Variants in IQUB observed in about 807,000 individuals in gnomAD.
IQUB encodes the protein IQ motif and ubiquitin domain containing.
A neutral mutation model predicts 86.4 loss-of-function variants in IQUB; 86 were observed. That is an observed-to-expected ratio of 1.00 (90% CI 0.84 to 1.19). The LOEUF is 1.19. Among genes scored for constraint, IQUB ranks in the 50% most tolerant of loss-of-function variants. IQUB has a pLI of 0.00. For missense variants in IQUB, 946 were observed against 916.9 expected (o/e 1.03, Z -0.41); for synonymous variants, 289 against 304.5 (o/e 0.95, Z 0.53).
At chr7:123,533,815 CT>C (rs2117417479) in intron 1 of IQUB, among the ~76,000 whole-genome samples, 1 of 152,256 alleles carries the variant, frequency 6.6e-6, no homozygotes, top group South Asian at 2.1e-4. Context: ...ACTCTTCATT[CT>C]TTTTACTATT....
chr7:123,518,109 A>G (rs1367460072), intron 1 of IQUB, among the ~76,000 whole-genome samples: 1 of 152,010 alleles, frequency 6.6e-6, no homozygotes, highest in East Asian at 1.9e-4. Context: ...ATATAACACA[A>G]CCAAGGAAGG....
intron 10 of IQUB, chr7:123,462,741 T>C: frequency 2.3e-6 from 1 of 427,522 alleles, no homozygotes; most frequent in Non-Finnish European, 4.7e-6. Flanking sequence ...TTAGCAAATA[T>C]ATCAGTCAAC....
At chr7:123,471,378 A>C (rs1794514872) in intron 8 of IQUB, among the ~76,000 whole-genome samples, 1 of 152,208 alleles carries the variant, frequency 6.6e-6, no homozygotes, top group Non-Finnish European at 1.5e-5. Flanking sequence ...AAAGTTTTTA[A>C]AGGCTAGGGC....
At chr7:123,485,722 G>A (rs1584589100) in intron 7 of IQUB, among the ~76,000 whole-genome samples, 1 of 152,066 alleles carries the variant, frequency 6.6e-6, no homozygotes, top group African/African-American at 2.4e-5. Flanking sequence ...ACAATATTTT[G>A]TCTACCATTG....
chr7:123,493,731 A>ATGTGTGTGTGTGTGTGTGTGTG (rs71161484), intron 7 of IQUB, among the ~76,000 whole-genome samples: 2 of 112,660 alleles, frequency 1.8e-5, no homozygotes, highest in African/African-American at 6.1e-5. Flanking sequence ...ATGTGTGTGT[A>ATGTGTGTGTGTGTGTGTGTGTG]TGTGTGTGTG....
intron 12 of IQUB, among the ~76,000 whole-genome samples, chr7:123,456,430 CTT>C (rs1563424119): frequency 6.6e-6 from 1 of 151,970 alleles, no homozygotes; most frequent in Non-Finnish European, 1.5e-5. Context: ...TTATTGCTAC[CTT>C]TTCTTTCAAT....
chr7:123,501,225 T>A (rs1269036144), intron 6 of IQUB: 1 of 152,216 alleles, frequency 6.6e-6, no homozygotes, highest in Non-Finnish European at 1.5e-5. Context: ...CATTTTATCT[T>A]CATACAGTAA....
At chr7:123,524,789 G>C (rs1025006516) in intron 1 of IQUB, among the ~76,000 whole-genome samples, 6 of 148,032 alleles carry the variant, frequency 4.1e-5, no homozygotes, top group South Asian at 2.2e-4. Context: ...AGTTTTCAAA[G>C]GGAATGCTTC....
chr7:123,484,951 G>A (rs1486353767), intron 7 of IQUB, among the ~76,000 whole-genome samples: 7 of 152,012 alleles, frequency 4.6e-5, no homozygotes, highest in Admixed American at 4.6e-4. Context: ...GAAGACACAG[G>A]AGCAGCTAAA....
At chr7:123,465,389 G>A (rs1391697273) in intron 9 of IQUB, among the ~76,000 whole-genome samples, 1 of 151,928 alleles carries the variant, frequency 6.6e-6, no homozygotes, top group Non-Finnish European at 1.5e-5. Flanking sequence ...TACCATGAAA[G>A]TCAGTATGAT....
intron 1 of IQUB, among the ~76,000 whole-genome samples, chr7:123,527,824 G>C (rs1797321095): frequency 6.6e-6 from 1 of 152,190 alleles, no homozygotes; most frequent in Non-Finnish European, 1.5e-5. Flanking sequence ...AGGCCTCCTT[G>C]AGCTGTGGTG....
chr7:123,502,054 C>A (rs1232091017), intron 6 of IQUB: 1 of 153,234 alleles, frequency 6.5e-6, no homozygotes, highest in African/African-American at 2.4e-5. Context: ...GCTGAATAGC[C>A]TAGCTCCAGA....
chr7:123,516,571 A>C (rs964304724), intron 1 of IQUB, among the ~76,000 whole-genome samples: 3 of 152,190 alleles, frequency 2.0e-5, no homozygotes, highest in Non-Finnish European at 2.9e-5. Flanking sequence ...AGAAAAAGAA[A>C]GAAGGTGAAA....
chr7:123,499,091 C>T (rs1330688244), intron 6 of IQUB, among the ~76,000 whole-genome samples: 1 of 151,722 alleles, frequency 6.6e-6, no homozygotes, highest in African/African-American at 2.4e-5. Context: ...AGATAAATCC[C>T]AGCATTCCAA....
intron 12 of IQUB, among the ~76,000 whole-genome samples, chr7:123,453,263 A>AATATATATAT (rs72054596): frequency 0.025 from 3,386 of 138,040 alleles, 51 homozygotes; most frequent in Admixed American, 0.052. Flanking sequence ...ATCTAGTTAG[A>AATATATATAT]ATATATATAT....
rs770554471 is a variant in IQUB, at chr7:123,464,883, G to GA, written c.1707dup (p.His570SerfsTer9). 3.7e-6 allele frequency: 6 copies of GA among 1,605,080 alleles called. No homozygotes were observed. In the African/African-American group the frequency reaches 6.7e-5, roughly 18 times the overall value. ...TTAAACAGAGGTGTTTTGATATAATGAAAAAAGAGTGTCGCAATTCTTTTT... is the reference window on the plus strand; with the variant it reads ...TTAAACAGAGGTGTTTTGATATAATGAAAAAAAGAGTGTCGCAATTCTTTTT... On this transcript the variant is annotated frameshift_variant, in exon 10 of 13. Transcript: ENST00000324698. LOFTEE classifies it high-confidence loss of function.
intron 1 of IQUB, among the ~76,000 whole-genome samples, chr7:123,524,928 CA>C (rs1394876154): frequency 6.6e-6 from 1 of 151,722 alleles, no homozygotes; most frequent in South Asian, 2.1e-4. Flanking sequence ...TGAATTTTGT[CA>C]AAGGCCTTTT....
chr7:123,512,933 C>G (rs1796488456), intron 1 of IQUB, among the ~76,000 whole-genome samples: 2 of 152,134 alleles, frequency 1.3e-5, no homozygotes, highest in African/African-American at 4.8e-5. Context: ...ATGACAGCAT[C>G]TAAAAGCTTG....
At position 123,461,609 on chromosome 7, in the gene IQUB, A is replaced by G. The variant is rs1177251820; in HGVS notation, c.1759-4T>C. The G allele has an allele frequency of 6.4e-7, 1 of 1,565,990 alleles. No homozygotes were observed. Among genetic ancestry groups the G allele is most frequent in the Non-Finnish European group, 8.6e-7 (1 of 1,158,926 alleles). On this transcript the variant is annotated splice_region_variant and splice_polypyrimidine_tract_variant and intron_variant, in intron 10 of 12. Coordinates refer to ENST00000324698, the MANE Select transcript of IQUB (RefSeq NM_178827.5). ...ATTTCAATGGGTCTTGAGGGACCTAAATAAATAGTAAAAAAAGAAAAAAAA... is the reference window on the plus strand; with the variant it reads ...ATTTCAATGGGTCTTGAGGGACCTAGATAAATAGTAAAAAAAGAAAAAAAA...
Sources: allele counts gnomAD v4.1 joint callset (sites outside exome capture counted in the v4.1 genomes callset), GRCh38; gene constraint gnomAD v4.1.1; transcripts MANE v1.5; gene names NCBI Gene and HGNC (gene_info 2026-07-23, HGNC 2026-07-21).